Variants in TNR observed in about 807,000 individuals in gnomAD.
The protein encoded by TNR is tenascin R.
Under a neutral mutation model 150.4 loss-of-function variants are expected in TNR, and 45 were observed. The observed-to-expected ratio is 0.30, with a 90% confidence interval of 0.24 to 0.38. TNR has a LOEUF of 0.38. Ranked by LOEUF, TNR falls within the 10% of genes least tolerant of loss-of-function variation. The probability of loss-of-function intolerance (pLI) is 1.00; values close to 1 mark genes in which losing one functional copy is unlikely to be tolerated. For missense variants in TNR, 1,544 were observed against 1,759.1 expected (o/e 0.88, Z 2.19); for synonymous variants, 687 against 678.4 (o/e 1.01, Z -0.20).
intron 1 of TNR, among the ~76,000 whole-genome samples, chr1:175,598,211 TCA>T (rs1425309467): frequency 8.5e-5 from 13 of 152,306 alleles, no homozygotes; most frequent in Non-Finnish European, 1.5e-4. Context: ...GAAGTAAAGA[TCA>T]CCATGCAAAT....
chr1:175,699,677 C>G (rs1038864052), intron 1 of TNR, among the ~76,000 whole-genome samples: 2 of 152,008 alleles, frequency 1.3e-5, no homozygotes, highest in African/African-American at 4.8e-5. Context: ...GAGGAGTAAG[C>G]TGGGTAGACG....
chr1:175,569,075 T>A (rs902594277), intron 1 of TNR, among the ~76,000 whole-genome samples: 2 of 151,936 alleles, frequency 1.3e-5, no homozygotes, highest in African/African-American at 4.8e-5. Context: ...GCACTGAAAG[T>A]GAGGATGAGA....
chr1:175,396,413 C>A, intron 5 of TNR, 131 bp downstream of exon 5: 1 of 1,195,370 alleles, frequency 8.4e-7, no homozygotes, highest in Admixed American at 2.6e-5. Context: ...ACATCTCTAG[C>A]CCTTCCCCTC....
chr1:175,668,510 C>T (rs550047377), intron 1 of TNR, among the ~76,000 whole-genome samples: 1 of 152,278 alleles, frequency 6.6e-6, no homozygotes, highest in South Asian at 2.1e-4. Context: ...TACTGAGAAG[C>T]AATCCACCCT....
rs916747510 is a variant in TNR at position 175,589,543 on chromosome 1, T to C, written c.-164-61174A>G. 2.6e-5 allele frequency among the ~76,000 whole-genome samples: 4 copies of C among 152,240 alleles called. No individual in the cohort carries two copies. In the South Asian group the frequency reaches 6.2e-4, roughly 24 times the overall value. ...TTAAAACAAAAATTAATGCAAAAAG[T>C]ATGCATATAATTAATGCAAAAAACA... On this transcript the variant is annotated intron_variant, in intron 1 of 22. Transcript: ENST00000367674.
Position 175,653,170 on chromosome 1 carries a change from CT to C in TNR, c.-165+90055del, listed in dbSNP as rs531838802. On this transcript the variant is annotated intron_variant, in intron 1 of 22. Coordinates refer to ENST00000367674, the MANE Select transcript of TNR (RefSeq NM_003285.3). ...CTGGGCCCATTCCTGGAGACATACT[CT>C]AGAGAAACTTTTATACAAATCTATG... is the stretch of plus-strand genomic sequence containing the variant. Among the ~76,000 whole-genome samples the C allele has an allele frequency of 4.7e-3, 721 of 152,302 alleles. 2 individuals carry two copies. Among genetic ancestry groups the C allele is most frequent in the Non-Finnish European group, 8.5e-3 (577 of 68,026 alleles).
At chr1:175,422,540 C>T (rs1041979565) in intron 2 of TNR, among the ~76,000 whole-genome samples, 19 of 152,158 alleles carry the variant, frequency 1.2e-4, no homozygotes, top group African/African-American at 3.4e-4. Flanking sequence ...GGGGTGGCCC[C>T]GAGAGGGCTG....
intron 2 of TNR, among the ~76,000 whole-genome samples, chr1:175,522,563 TA>T (rs139657969): frequency 0.048 from 7,227 of 151,066 alleles, 588 homozygotes; most frequent in African/African-American, 0.16. Flanking sequence ...AAATAAAAAA[TA>T]AAAAAAAATT....
At chr1:175,447,582 G>C (rs971477908) in intron 2 of TNR, among the ~76,000 whole-genome samples, 2 of 152,318 alleles carry the variant, frequency 1.3e-5, no homozygotes, top group Middle Eastern at 3.4e-3. Flanking sequence ...GTCCTTTTGT[G>C]AATCAGAAGC....
chr1:175,689,735 A>G (rs746187455), intron 1 of TNR, among the ~76,000 whole-genome samples: 1 of 152,174 alleles, frequency 6.6e-6, no homozygotes, highest in Non-Finnish European at 1.5e-5. Flanking sequence ...CAACAGCAGC[A>G]TTATAACAGG....
At chr1:175,457,111 T>C (rs1290604229) in intron 2 of TNR, among the ~76,000 whole-genome samples, 4 of 152,236 alleles carry the variant, frequency 2.6e-5, no homozygotes, top group African/African-American at 9.6e-5. Context: ...AGGTTCCTCA[T>C]ATATTAAAAA....
chr1:175,351,146 C>G (rs1651033800), intron 18 of TNR, among the ~76,000 whole-genome samples: 1 of 152,198 alleles, frequency 6.6e-6, no homozygotes, highest in African/African-American at 2.4e-5. Context: ...ACTGGCAGCA[C>G]TCCAGTCTTG....
intron 18 of TNR, among the ~76,000 whole-genome samples, chr1:175,344,737 C>T (rs951701528): frequency 2.0e-5 from 3 of 152,052 alleles, no homozygotes; most frequent in East Asian, 1.9e-4. Context: ...AAAGAATTTC[C>T]AGGCCTAGGT....
chr1:175,470,134 A>G (rs75239395), intron 2 of TNR, among the ~76,000 whole-genome samples: 1,851 of 152,262 alleles, frequency 0.012, 29 homozygotes, highest in African/African-American at 0.041. Context: ...GACGGGTTGC[A>G]TTTGAGGAGT....
At chr1:175,326,950 G>T (rs539541651) in intron 21 of TNR, among the ~76,000 whole-genome samples, 4 of 151,874 alleles carry the variant, frequency 2.6e-5, no homozygotes, top group South Asian at 4.2e-4. Flanking sequence ...ACAGGTGTGA[G>T]CCCAGCCCTT....
intron 2 of TNR, among the ~76,000 whole-genome samples, chr1:175,500,660 TA>T (rs1658697704): frequency 6.6e-6 from 1 of 151,712 alleles, no homozygotes; most frequent in Non-Finnish European, 1.5e-5. Context: ...GGGCTGAAAA[TA>T]AATTAGGAAA....
intron 2 of TNR, among the ~76,000 whole-genome samples, chr1:175,498,989 T>G (rs1050126270): frequency 6.6e-6 from 1 of 152,184 alleles, no homozygotes; most frequent in Non-Finnish European, 1.5e-5. Flanking sequence ...TGGTCATACT[T>G]AAAAAGAAAA....
At chr1:175,650,429 G>A (rs771575825) in intron 1 of TNR, among the ~76,000 whole-genome samples, 1 of 151,860 alleles carries the variant, frequency 6.6e-6, no homozygotes, top group Non-Finnish European at 1.5e-5. Context: ...GAATAGTTTG[G>A]ATTATTGAGT....
Position 175,330,226 on chromosome 1 carries a change from T to C in TNR, c.3641A>G (p.Asn1214Ser). The stretch of plus-strand genomic sequence containing the variant: ...GCCCTGGGATGTGATCCTGTGTATA[T>C]TGTCCAGCCCTGTGGAGAAGAGCAG... The part of the protein sequence containing the change: ...VEDEFWLGLD[N>S]IHRITSQGRY... The change falls in exon 21 of 23, where the codon AAT (asparagine) becomes AGT (serine). Residue 1214 changes from asparagine to serine, a missense_variant. By Grantham distance (46) the Asn-to-Ser change is conservative. Transcript: ENST00000367674. 1 of 1,593,312 alleles carries C rather than the reference T, an allele frequency of 6.3e-7. No individual in the cohort carries two copies. The highest frequency in any genetic ancestry group is 8.6e-7 in the Non-Finnish European group (1 of 1,164,952).
Sources: allele counts gnomAD v4.1 joint callset (sites outside exome capture counted in the v4.1 genomes callset), GRCh38; gene constraint gnomAD v4.1.1; transcripts MANE v1.5; gene names NCBI Gene and HGNC (gene_info 2026-07-23, HGNC 2026-07-21).